SAMD5: variants seen among roughly 807,000 people sequenced by gnomAD.
SAMD5 encodes sterile alpha motif domain-containing protein 5.
In SAMD5, 13 loss-of-function variants were observed where a neutral mutation model predicts 11.3. The observed-to-expected ratio is 1.15, with a 90% CI of 0.75 to 1.83. The LOEUF (loss-of-function observed/expected upper bound fraction) is 1.83, where lower values mean the gene tolerates loss of function less well. SAMD5 is among the 40% of genes most tolerant of loss of function. SAMD5 has a pLI of 0.00. For missense variants in SAMD5, 255 were observed against 239.1 expected (o/e 1.07, Z -0.44); for synonymous variants, 129 against 111.3 (o/e 1.16, Z -1.00).
intron 1 of SAMD5, among the ~76,000 whole-genome samples, chr6:147,603,933 C>G (rs993565295): frequency 6.6e-6 from 1 of 152,148 alleles, no homozygotes; most frequent in African/African-American, 2.4e-5. Context: ...GTTGATACTA[C>G]TCTCTAACAT....
chr6:147,651,683 A>C (rs771802609), intron 1 of SAMD5, among the ~76,000 whole-genome samples: 3 of 152,170 alleles, frequency 2.0e-5, no homozygotes, highest in Non-Finnish European at 2.9e-5. Context: ...TGAGAAATAT[A>C]TTTCTGTTGT....
the SAMD5 span, among the ~76,000 whole-genome samples, chr6:147,870,341 A>G: frequency 6.6e-6 from 1 of 151,368 alleles, no homozygotes; most frequent in East Asian, 2.0e-4. Context: ...GCCTTCCCTT[A>G]TTTTCTTCCA....
intron 1 of SAMD5, among the ~76,000 whole-genome samples, chr6:147,599,800 G>A (rs940647099): frequency 1.3e-5 from 2 of 152,194 alleles, no homozygotes; most frequent in African/African-American, 4.8e-5. Context: ...CTGTTTCTCA[G>A]TTATTCATGT....
At chr6:147,562,767 A>C (rs1788972812) in intron 1 of SAMD5, among the ~76,000 whole-genome samples, 1 of 152,050 alleles carries the variant, frequency 6.6e-6, no homozygotes, top group Non-Finnish European at 1.5e-5. Context: ...GCTTGCAGTG[A>C]GCCGAGATCG....
the SAMD5 span, among the ~76,000 whole-genome samples, chr6:147,823,300 A>T: frequency 6.6e-6 from 1 of 152,128 alleles, no homozygotes; most frequent in African/African-American, 2.4e-5. Flanking sequence ...GAGACCTTTA[A>T]GCTTCCTAAC....
At chr6:147,764,519 T>C in the SAMD5 span, among the ~76,000 whole-genome samples, 2 of 152,222 alleles carry the variant, frequency 1.3e-5, no homozygotes, top group African/African-American at 2.4e-5. Flanking sequence ...GTGTAATGTT[T>C]TGATGTTCTC....
chr6:147,649,655 A>G (rs11155517), intron 1 of SAMD5, among the ~76,000 whole-genome samples: 60,284 of 151,976 alleles, frequency 0.4, 13,881 homozygotes, highest in Middle Eastern at 0.54. Context: ...GCCAGGCATG[A>G]TGGCACATGC....
At chr6:147,620,319 C>T (rs1387249807) in intron 1 of SAMD5, among the ~76,000 whole-genome samples, 1 of 152,176 alleles carries the variant, frequency 6.6e-6, no homozygotes, top group Non-Finnish European at 1.5e-5. Context: ...CAGATTCTGG[C>T]CCCAGCCTTA....
At chr6:147,590,632 C>T (rs1789439113) in intron 1 of SAMD5, among the ~76,000 whole-genome samples, 1 of 152,078 alleles carries the variant, frequency 6.6e-6, no homozygotes, top group Admixed American at 6.5e-5. Flanking sequence ...AGGCTGGTCT[C>T]GAACTCCTGA....
chr6:147,821,096 T>G, the SAMD5 span, among the ~76,000 whole-genome samples: 1 of 152,244 alleles, frequency 6.6e-6, no homozygotes, highest in Non-Finnish European at 1.5e-5. Context: ...TGCATTTTTA[T>G]TAAAGAACGA....
At chr6:147,613,786 A>G (rs776207892) in intron 1 of SAMD5, among the ~76,000 whole-genome samples, 1 of 151,912 alleles carries the variant, frequency 6.6e-6, no homozygotes, top group Non-Finnish European at 1.5e-5. Flanking sequence ...AGGTGGCAGG[A>G]GAGGAAAAAG....
At chr6:147,833,941 C>T in the SAMD5 span, among the ~76,000 whole-genome samples, 705 of 152,222 alleles carry the variant, frequency 4.6e-3, 6 homozygotes, top group African/African-American at 0.016. Context: ...TGGAATGGGT[C>T]AGATAATGAA....
intron 1 of SAMD5, among the ~76,000 whole-genome samples, chr6:147,687,089 A>G (rs1791022604): frequency 6.6e-6 from 1 of 152,168 alleles, no homozygotes; most frequent in Admixed American, 6.5e-5. Flanking sequence ...GGGACAAATG[A>G]CATCTTTATG....
chr6:147,563,327 T>C (rs1455794857), intron 1 of SAMD5, among the ~76,000 whole-genome samples: 1 of 152,230 alleles, frequency 6.6e-6, no homozygotes, highest in Admixed American at 6.5e-5. Context: ...GTCTTGATGA[T>C]GTCTGCAGTA....
intron 1 of SAMD5, among the ~76,000 whole-genome samples, chr6:147,670,641 C>A (rs1177055636): frequency 6.6e-6 from 1 of 152,198 alleles, no homozygotes; most frequent in African/African-American, 2.4e-5. Flanking sequence ...ACTTCATGAA[C>A]CAACATTTCC....
the SAMD5 span, among the ~76,000 whole-genome samples, chr6:147,870,305 C>G: frequency 6.6e-6 from 1 of 151,958 alleles, no homozygotes; most frequent in Non-Finnish European, 1.5e-5. Context: ...TCCCACCTGT[C>G]AAGCATGAGC....
the SAMD5 span, among the ~76,000 whole-genome samples, chr6:147,879,874 G>C: frequency 0.026 from 3,899 of 152,300 alleles, 54 homozygotes; most frequent in African/African-American, 0.034. Flanking sequence ...CCTAGACGTG[G>C]TTTCTTTCCT....
At chr6:147,747,500 C>T in the SAMD5 span, among the ~76,000 whole-genome samples, 2,598 of 152,204 alleles carry the variant, frequency 0.017, 76 homozygotes, top group African/African-American at 0.059. Context: ...TTTGCCAAGC[C>T]GTGATTTTTT....
chr6:147,594,685 T>C (rs1789504172), intron 1 of SAMD5, among the ~76,000 whole-genome samples: 1 of 152,148 alleles, frequency 6.6e-6, no homozygotes, highest in Admixed American at 6.5e-5. Flanking sequence ...ACTACAGCTT[T>C]ACTTGGGGAA....
Sources: gnomAD v4.1 joint callset for allele counts (sites outside exome capture counted in the v4.1 genomes callset) on GRCh38, gnomAD v4.1.1 for gene constraint, MANE v1.5 for transcripts, NCBI Gene and HGNC (gene_info 2026-07-23, HGNC 2026-07-21) for gene names.